Variants in NOL4 observed in about 807,000 individuals in gnomAD.
The protein encoded by NOL4 is nucleolar protein 4.
A neutral mutation model predicts 75.9 loss-of-function variants in NOL4; 17 were observed. That is an observed-to-expected ratio of 0.22 (90% CI 0.15 to 0.34). The LOEUF (loss-of-function observed/expected upper bound fraction) is 0.34, where lower values mean the gene tolerates loss of function less well. NOL4 is among the 10% of genes least tolerant of loss of function. The pLI is 1.00. For synonymous variants in NOL4, 292 were observed against 289.9 expected (o/e 1.01, Z -0.07); for missense variants, 614 against 793.5 (o/e 0.77, Z 2.72).
intron 5 of NOL4, among the ~76,000 whole-genome samples, chr18:34,025,731 G>A (rs1424320415): frequency 2.6e-5 from 4 of 152,056 alleles, no homozygotes; most frequent in Admixed American, 1.3e-4. Context: ...AGAATGAAAG[G>A]CTTTTTCTCT....
chr18:33,856,275 TAAAAC>T (rs2144157826), intron 10 of NOL4, among the ~76,000 whole-genome samples: 1 of 152,166 alleles, frequency 6.6e-6, no homozygotes, highest in South Asian at 2.1e-4. Context: ...TAGTTATGGT[TAAAAC>T]AAAACTAGTT....
At chr18:34,179,383 C>T (rs1164889571) in intron 1 of NOL4, among the ~76,000 whole-genome samples, 1 of 150,584 alleles carries the variant, frequency 6.6e-6, no homozygotes, top group African/African-American at 2.4e-5. Flanking sequence ...GAAATAGATA[C>T]TAGAAAAAAC....
At chr18:34,068,022 A>C (rs1457123287) in intron 5 of NOL4, among the ~76,000 whole-genome samples, 1 of 152,244 alleles carries the variant, frequency 6.6e-6, no homozygotes, top group Non-Finnish European at 1.5e-5. Flanking sequence ...TGCAAAGTAA[A>C]GAGATGGGAG....
chr18:34,185,307 T>C (rs1277891810), intron 1 of NOL4, among the ~76,000 whole-genome samples: 2 of 152,148 alleles, frequency 1.3e-5, no homozygotes, highest in Non-Finnish European at 2.9e-5. Flanking sequence ...GGATTACTTC[T>C]AGGAATAGCA....
chr18:33,923,430 T>TTA (rs993755474), intron 9 of NOL4, among the ~76,000 whole-genome samples: 5 of 151,986 alleles, frequency 3.3e-5, no homozygotes, highest in Non-Finnish European at 5.9e-5. Context: ...ATCTGAGTGT[T>TTA]TAGATATTAT....
intron 1 of NOL4, among the ~76,000 whole-genome samples, chr18:34,162,058 C>T (rs2031569389): frequency 6.6e-6 from 1 of 152,142 alleles, no homozygotes; most frequent in African/African-American, 2.4e-5. Context: ...TATCCATACC[C>T]TCAAGTGCCA....
intron 5 of NOL4, among the ~76,000 whole-genome samples, chr18:34,064,949 ACAC>A (rs1156442658): frequency 7.4e-6 from 1 of 135,598 alleles, no homozygotes; most frequent in Non-Finnish European, 1.6e-5. Flanking sequence ...ACACACACAC[ACAC>A]ATCATATGTG....
intron 5 of NOL4, among the ~76,000 whole-genome samples, chr18:34,029,449 C>A (rs1286382869): frequency 6.6e-6 from 1 of 152,108 alleles, no homozygotes; most frequent in Admixed American, 6.6e-5. Flanking sequence ...TTTATCAATC[C>A]TCAAAGCAAG....
chr18:33,940,539 G>C lies in NOL4; in HGVS notation c.1542+2526C>G, dbSNP rs557148738. On this transcript the variant is annotated intron_variant, in intron 9 of 10. Transcript: ENST00000261592. ...ACAGGGAGGGAACATCACACACCGG[G>C]GCCTGTCGGGGAGTAGGAGGCTAGG... Among the ~76,000 whole-genome samples the C allele has an allele frequency of 1.3e-3, 192 of 151,984 alleles. 1 individual carries two copies. Among genetic ancestry groups the C allele is most frequent in the African/African-American group, 4.1e-3 (171 of 41,470 alleles).
intron 1 of NOL4, among the ~76,000 whole-genome samples, chr18:34,146,647 A>G (rs1168253678): frequency 6.6e-6 from 1 of 151,982 alleles, no homozygotes; most frequent in African/African-American, 2.4e-5. Flanking sequence ...TATAGTCTGA[A>G]GTCAGGTAGT....
intron 4 of NOL4, among the ~76,000 whole-genome samples, chr18:34,101,027 C>G (rs2079020865): frequency 6.6e-6 from 1 of 152,136 alleles, no homozygotes; most frequent in South Asian, 2.1e-4. Flanking sequence ...TCTTGACTTT[C>G]ATGCTTCACA....
intron 2 of NOL4, among the ~76,000 whole-genome samples, chr18:34,109,514 G>A (rs1568353204): frequency 6.6e-6 from 1 of 151,870 alleles, no homozygotes; most frequent in Non-Finnish European, 1.5e-5. Flanking sequence ...GGGAGAGCCT[G>A]TTTCCTGTTT....
At chr18:33,904,291 C>A (rs1334686348) in intron 9 of NOL4, among the ~76,000 whole-genome samples, 2 of 151,972 alleles carry the variant, frequency 1.3e-5, no homozygotes, top group African/African-American at 2.4e-5. Flanking sequence ...AAAGCTTGGT[C>A]ATTGATGCTG....
intron 1 of NOL4, among the ~76,000 whole-genome samples, chr18:34,191,518 A>G (rs1307753709): frequency 1.3e-5 from 2 of 151,964 alleles, no homozygotes; most frequent in African/African-American, 4.8e-5. Context: ...GTAATTCCCA[A>G]TTTTATCCTT....
At chr18:34,085,971 G>A (rs1276921439) in intron 5 of NOL4, among the ~76,000 whole-genome samples, 4 of 151,858 alleles carry the variant, frequency 2.6e-5, no homozygotes, top group Non-Finnish European at 5.9e-5. Context: ...CAAATTACTT[G>A]TTTTCTTTAT....
intron 1 of NOL4, among the ~76,000 whole-genome samples, chr18:34,186,408 G>C (rs1009441612): frequency 1.3e-5 from 2 of 152,146 alleles, no homozygotes; most frequent in African/African-American, 4.8e-5. Flanking sequence ...TAGGGATTAG[G>C]TGACAAATAT....
At chr18:34,055,387 G>A (rs1600417298) in intron 5 of NOL4, among the ~76,000 whole-genome samples, 1 of 152,044 alleles carries the variant, frequency 6.6e-6, no homozygotes, top group East Asian at 1.9e-4. Flanking sequence ...TAGTATTCTT[G>A]GTTGACAGCA....
At chr18:33,999,937 C>T (rs2073576823) in intron 6 of NOL4, among the ~76,000 whole-genome samples, 1 of 152,092 alleles carries the variant, frequency 6.6e-6, no homozygotes, top group African/African-American at 2.4e-5. Flanking sequence ...CAGGTGTGAG[C>T]CACCATGCCC....
chr18:34,164,557 T>G (rs1380143040), intron 1 of NOL4, among the ~76,000 whole-genome samples: 4 of 152,090 alleles, frequency 2.6e-5, no homozygotes, highest in Non-Finnish European at 4.4e-5. Flanking sequence ...TCTCACACCA[T>G]TTAGAATGGC....
Sources: gnomAD v4.1 joint callset for allele counts (sites outside exome capture counted in the v4.1 genomes callset) on GRCh38, gnomAD v4.1.1 for gene constraint, MANE v1.5 for transcripts, NCBI Gene and HGNC (gene_info 2026-07-23, HGNC 2026-07-21) for gene names.